Variants in TGFBR3 observed in about 807,000 individuals in gnomAD.
The protein encoded by TGFBR3 is transforming growth factor beta receptor 3, also known as transforming growth factor beta receptor type 3.
A neutral mutation model predicts 87.9 loss-of-function variants in TGFBR3; 46 were observed. The observed-to-expected ratio is 0.52, with a 90% confidence interval of 0.41 to 0.67. The LOEUF is 0.67. TGFBR3 is among the 30% of genes least tolerant of loss of function. TGFBR3 has a pLI of 0.00. For synonymous variants in TGFBR3, 381 were observed against 391.6 expected, an observed-to-expected ratio of 0.97 and a Z score of 0.32; for missense variants, 866 against 1,041.9, an observed-to-expected ratio of 0.83 and a Z score of 2.32.
intron 2 of TGFBR3, among the ~76,000 whole-genome samples, chr1:91,841,502 T>A (rs554137162): frequency 6.6e-6 from 1 of 152,056 alleles, no homozygotes; most frequent in Admixed American, 6.6e-5. Flanking sequence ...GGAATTATTA[T>A]AAAAATAGTT....
intron 3 of TGFBR3, among the ~76,000 whole-genome samples, chr1:91,793,368 C>T (rs897211210): frequency 6.6e-6 from 1 of 152,090 alleles, no homozygotes; most frequent in South Asian, 2.1e-4. Flanking sequence ...TTAGTAATTC[C>T]CTCACATTTA....
intron 7 of TGFBR3, among the ~76,000 whole-genome samples, chr1:91,724,468 G>A (rs748544008): frequency 2.0e-5 from 3 of 152,058 alleles, no homozygotes; most frequent in Non-Finnish European, 2.9e-5. Flanking sequence ...AGAAAATATC[G>A]TATTTCCAGA....
chr1:91,713,898 C>A (rs17887170), intron 12 of TGFBR3, among the ~76,000 whole-genome samples: 1 of 151,896 alleles, frequency 6.6e-6, no homozygotes, highest in African/African-American at 2.4e-5. Context: ...AGAGGGACTG[C>A]AAATCTCTTC....
At chr1:91,779,421 G>A (rs570362548) in intron 3 of TGFBR3, among the ~76,000 whole-genome samples, 1 of 152,334 alleles carries the variant, frequency 6.6e-6, no homozygotes, top group Non-Finnish European at 1.5e-5. Flanking sequence ...CAGCTCATGA[G>A]CAGTGTAGCC....
At chr1:91,743,095 G>A (rs1673212771) in intron 4 of TGFBR3, among the ~76,000 whole-genome samples, 2 of 152,150 alleles carry the variant, frequency 1.3e-5, no homozygotes, top group African/African-American at 4.8e-5. Flanking sequence ...GATCTCCCAA[G>A]CCTGAGTGAA....
intron 3 of TGFBR3, among the ~76,000 whole-genome samples, chr1:91,789,010 G>A (rs1020652842): frequency 6.6e-6 from 1 of 152,134 alleles, no homozygotes; most frequent in African/African-American, 2.4e-5. Context: ...AATTTTAAAA[G>A]GGGTCAGCTG....
intron 1 of TGFBR3, among the ~76,000 whole-genome samples, chr1:91,866,110 C>T (rs1678388431): frequency 6.6e-6 from 1 of 152,146 alleles, no homozygotes; most frequent in African/African-American, 2.4e-5. Context: ...GAAAAAATCC[C>T]ATCCAAATGA....
At chr1:91,880,006 A>G (rs1008150232) in intron 1 of TGFBR3, among the ~76,000 whole-genome samples, 2 of 152,208 alleles carry the variant, frequency 1.3e-5, no homozygotes, top group Non-Finnish European at 2.9e-5. Flanking sequence ...AAACAATGCT[A>G]TCATTCCAAG....
intron 2 of TGFBR3, among the ~76,000 whole-genome samples, chr1:91,802,867 A>C (rs1675688370): frequency 1.3e-5 from 2 of 151,300 alleles, no homozygotes. Flanking sequence ...GTGCCCCAAC[A>C]TCACCCCTTC....
chr1:91,837,944 A>G (rs1571559902), intron 2 of TGFBR3, among the ~76,000 whole-genome samples: 1 of 152,188 alleles, frequency 6.6e-6, no homozygotes, highest in Non-Finnish European at 1.5e-5. Context: ...CAAATAGCAT[A>G]CTCGGGAGAT....
intron 1 of TGFBR3, among the ~76,000 whole-genome samples, chr1:91,905,501 C>G (rs770599499): frequency 6.6e-6 from 1 of 152,148 alleles, no homozygotes; most frequent in African/African-American, 2.4e-5. Context: ...GGCACGACCT[C>G]GGCTCACTGC....
intron 2 of TGFBR3, among the ~76,000 whole-genome samples, chr1:91,851,425 G>A (rs967555477): frequency 1.3e-5 from 2 of 152,162 alleles, no homozygotes; most frequent in African/African-American, 2.4e-5. Context: ...CCAATCATGC[G>A]CCTCGGTGCT....
intron 16 of TGFBR3, among the ~76,000 whole-genome samples, chr1:91,693,083 G>A (rs543843799): frequency 6.6e-6 from 1 of 152,128 alleles, no homozygotes; most frequent in Non-Finnish European, 1.5e-5. Context: ...CTAAATTGCT[G>A]CTAGCTGACC....
At chr1:91,770,917 T>C (rs954057534) in intron 3 of TGFBR3, 4 of 152,242 alleles carry the variant, frequency 2.6e-5, no homozygotes, top group African/African-American at 4.8e-5. Context: ...AGGGGTCCAC[T>C]TACACAATTT....
chr1:91,871,033 C>T (rs1055396087), intron 1 of TGFBR3, among the ~76,000 whole-genome samples: 28 of 150,626 alleles, frequency 1.9e-4, no homozygotes, highest in Non-Finnish European at 3.4e-4. Flanking sequence ...TGGGACTCTG[C>T]TCTGTCACCA....
At chr1:91,713,687 C>T (rs1672066524) in intron 12 of TGFBR3, among the ~76,000 whole-genome samples, 1 of 152,162 alleles carries the variant, frequency 6.6e-6, no homozygotes, top group African/African-American at 2.4e-5. Context: ...CTGCAGGACA[C>T]TCAACAGTGA....
At chr1:91,886,798 CT>C (rs1557763954), upstream of TGFBR3, among the ~76,000 whole-genome samples, 2 of 152,208 alleles carry the variant, frequency 1.3e-5, no homozygotes, top group South Asian at 2.1e-4. Flanking sequence ...GCCGTTCCCC[CT>C]GCTAGCTAAA....
At chr1:91,861,857 CTTTTT>C (rs11414154) in intron 1 of TGFBR3, 20 of 248,936 alleles carry the variant, frequency 8.0e-5, no homozygotes, top group South Asian at 3.4e-4. Flanking sequence ...TTGTTATTGG[CTTTTT>C]TTTTTTTTTT....
At chr1:91,733,022 G>A (rs1672829699) in intron 5 of TGFBR3, among the ~76,000 whole-genome samples, 6 of 152,202 alleles carry the variant, frequency 3.9e-5, no homozygotes, top group Admixed American at 3.3e-4. Flanking sequence ...GCTGGCCAGG[G>A]CTTAGAGTCT....
Sources: gnomAD v4.1 joint callset for allele counts (sites outside exome capture counted in the v4.1 genomes callset) on GRCh38, gnomAD v4.1.1 for gene constraint, MANE v1.5 for transcripts, NCBI Gene and HGNC (gene_info 2026-07-23, HGNC 2026-07-21) for gene names.